Variants in MAP2K4 observed in about 807,000 individuals in gnomAD.
MAP2K4 encodes the protein dual specificity mitogen-activated protein kinase kinase 4.
A neutral mutation model predicts 48.5 loss-of-function variants in MAP2K4; 4 were observed. The observed-to-expected ratio is 0.08, with a 90% CI of 0.04 to 0.19. The LOEUF (loss-of-function observed/expected upper bound fraction) is 0.19, where lower values mean the gene tolerates loss of function less well. Among genes scored for constraint, MAP2K4 ranks in the 10% least tolerant of loss-of-function variants. MAP2K4 has a pLI of 1.00. For synonymous variants in MAP2K4, 166 were observed against 173.1 expected (o/e 0.96, Z 0.32); for missense variants, 258 against 493.3 (o/e 0.52, Z 4.52).
chr17:12,101,703 T>C (rs946832830), intron 4 of MAP2K4, among the ~76,000 whole-genome samples: 1 of 152,172 alleles, frequency 6.6e-6, no homozygotes, highest in Non-Finnish European at 1.5e-5. Flanking sequence ...TTAATTTTTC[T>C]CAGCAATATT....
intron 1 of MAP2K4, among the ~76,000 whole-genome samples, chr17:12,043,324 A>G (rs575275899): frequency 4.6e-5 from 7 of 152,180 alleles, no homozygotes; most frequent in African/African-American, 9.7e-5. Context: ...CATATTTCCA[A>G]TATTGACACC....
intron 1 of MAP2K4, among the ~76,000 whole-genome samples, chr17:12,031,693 T>C (rs185164398): frequency 2.8e-3 from 433 of 152,336 alleles, no homozygotes; most frequent in Non-Finnish European, 3.6e-3. Flanking sequence ...TTCTCATTCC[T>C]AGGGACACTA....
intron 6 of MAP2K4, among the ~76,000 whole-genome samples, chr17:12,111,363 T>A (rs1243174082): frequency 6.6e-6 from 1 of 152,212 alleles, no homozygotes; most frequent in African/African-American, 2.4e-5. Flanking sequence ...TTAATTTTGT[T>A]TGGCTTAATG....
intron 7 of MAP2K4, among the ~76,000 whole-genome samples, chr17:12,119,517 A>T (rs1972609067): frequency 6.6e-6 from 1 of 152,240 alleles, no homozygotes; most frequent in East Asian, 1.9e-4. Context: ...GAGAAAAGGG[A>T]ATACTTATAT....
chr17:12,073,797 G>T (rs1970901172), intron 2 of MAP2K4, among the ~76,000 whole-genome samples: 1 of 147,954 alleles, frequency 6.8e-6, no homozygotes, highest in African/African-American at 2.5e-5. Flanking sequence ...TTCTGAGACG[G>T]AGTCTCGTAC....
rs999479678 is a variant in MAP2K4, at chr17:12,115,515, T to G, written c.813+2155T>G. On this transcript the variant is annotated intron_variant, in intron 7 of 10. Coordinates refer to ENST00000353533, the MANE Select transcript of MAP2K4 (RefSeq NM_003010.4). ...GAAAAGGTACGGTCAAAATATGGTA[T>G]AAAGGAGGTAGAGGTGACGGGCCGG... The G allele has an allele frequency of 6.8e-6, 4 of 589,244 alleles. No individual in the cohort carries two copies. In the Admixed American group the frequency reaches 9.5e-5, roughly 14 times the overall value. The allele number at this position is 589,244 out of a possible 1,614,324, so 36.5% of individuals were successfully genotyped here.
chr17:12,141,132 T>C lies in MAP2K4; in HGVS notation c.1087-15T>C. 6.4e-7 allele frequency: 1 copy of C among 1,562,870 alleles called. No homozygotes were observed. ...ATACAAACTTTTGACTTTTTTGTTTTCAATTTTCTTGCAGAAACATCCCTT... is the reference window on the plus strand; with the variant it reads ...ATACAAACTTTTGACTTTTTTGTTTCCAATTTTCTTGCAGAAACATCCCTT... On this transcript the variant is annotated splice_polypyrimidine_tract_variant and intron_variant, in intron 10 of 10. Coordinates refer to ENST00000353533, the MANE Select transcript of MAP2K4 (RefSeq NM_003010.4).
intron 4 of MAP2K4, among the ~76,000 whole-genome samples, chr17:12,106,408 T>C (rs1007630414): frequency 6.6e-6 from 1 of 152,176 alleles, no homozygotes; most frequent in African/African-American, 2.4e-5. Context: ...AAAAACATTA[T>C]GTATAGCCAT....
intron 1 of MAP2K4, among the ~76,000 whole-genome samples, chr17:12,034,803 G>A (rs1370831524): frequency 1.3e-5 from 2 of 152,222 alleles, no homozygotes; most frequent in Admixed American, 1.3e-4. Context: ...TCATGAGAGA[G>A]AATGAGCATA....
At chr17:12,047,573 C>A (rs1970009252) in intron 1 of MAP2K4, among the ~76,000 whole-genome samples, 1 of 152,100 alleles carries the variant, frequency 6.6e-6, no homozygotes, top group Admixed American at 6.5e-5. Context: ...TAGGAAGGAT[C>A]CTGGATTAGG....
At chr17:12,123,253 T>C (rs1005119539) in intron 7 of MAP2K4, among the ~76,000 whole-genome samples, 5 of 152,230 alleles carry the variant, frequency 3.3e-5, no homozygotes, top group African/African-American at 1.2e-4. Context: ...CTTTTCTTTC[T>C]GGGCAGGTTT....
At chr17:12,127,387 T>C (rs1241450089) in intron 8 of MAP2K4, among the ~76,000 whole-genome samples, 1 of 152,226 alleles carries the variant, frequency 6.6e-6, no homozygotes, top group Non-Finnish European at 1.5e-5. Context: ...ATACACAGGA[T>C]ATTTACAATT....
At position 12,065,258 on chromosome 17, in the gene MAP2K4, A is replaced by ATATTATTATTATTATTAT. The variant is rs147921985; in HGVS notation, c.218+10284_218+10301dup. Among the ~76,000 whole-genome samples, 184 of 136,210 alleles carry ATATTATTATTATTATTAT rather than the reference A, an allele frequency of 1.4e-3. 1 individual carries two copies. Among genetic ancestry groups the ATATTATTATTATTATTAT allele is most frequent in the East Asian group, 4.6e-3 (22 of 4,784 alleles). 89.4% of individuals were successfully genotyped at this position (136,210 alleles called of 152,430 possible). On this transcript the variant is annotated intron_variant, in intron 2 of 10. Transcript: ENST00000353533. ...AACAATAACAATTATATATATACAT[A>ATATTATTATTATTATTAT]TATTATTATTATTATTATTATTATT...
intron 5 of MAP2K4, among the ~76,000 whole-genome samples, chr17:12,110,091 AG>A (rs1972254016): frequency 6.6e-6 from 1 of 152,152 alleles, no homozygotes; most frequent in African/African-American, 2.4e-5. Flanking sequence ...GGTTGGAGAT[AG>A]GAAAAAAGAT....
chr17:12,089,714 A>G (rs963789468), intron 3 of MAP2K4, among the ~76,000 whole-genome samples: 2 of 152,166 alleles, frequency 1.3e-5, no homozygotes, highest in African/African-American at 4.8e-5. Flanking sequence ...TGAGCCATAC[A>G]AACACCTGAC....
chr17:12,121,694 A>G (rs997324914), intron 7 of MAP2K4, among the ~76,000 whole-genome samples: 1 of 152,040 alleles, frequency 6.6e-6, no homozygotes, highest in Non-Finnish European at 1.5e-5. Context: ...AAGTGTTTTC[A>G]GAAGGTCTCG....
intron 7 of MAP2K4, among the ~76,000 whole-genome samples, chr17:12,122,626 T>G (rs1487248057): frequency 6.6e-6 from 1 of 152,212 alleles, no homozygotes; most frequent in Non-Finnish European, 1.5e-5. Context: ...AATGCTTGTT[T>G]TCCCCCTTGC....
intron 7 of MAP2K4, among the ~76,000 whole-genome samples, chr17:12,120,935 C>G (rs985950972): frequency 6.6e-6 from 1 of 152,220 alleles, no homozygotes; most frequent in Non-Finnish European, 1.5e-5. Context: ...TACTGTGCTG[C>G]TTAGTTCCCC....
intron 9 of MAP2K4, among the ~76,000 whole-genome samples, chr17:12,131,892 T>C (rs577369929): frequency 1.3e-5 from 2 of 152,224 alleles, no homozygotes; most frequent in South Asian, 2.1e-4. Flanking sequence ...AAAACACTTA[T>C]GAAAAATAAC....
Sources: gnomAD v4.1 joint callset for allele counts (sites outside exome capture counted in the v4.1 genomes callset) on GRCh38, gnomAD v4.1.1 for gene constraint, MANE v1.5 for transcripts, NCBI Gene and HGNC (gene_info 2026-07-23, HGNC 2026-07-21) for gene names.